The following TNRC6A variants were observed in gnomAD, a reference collection of about 807,000 sequenced individuals.
TNRC6A encodes trinucleotide repeat-containing gene 6A protein.
TNRC6A carries 44 observed loss-of-function variants against 221.2 expected under a neutral mutation model. The observed-to-expected ratio is 0.20, with a 90% CI of 0.16 to 0.26. The LOEUF (loss-of-function observed/expected upper bound fraction) is 0.26. TNRC6A is among the 10% of genes least tolerant of loss of function. TNRC6A has a pLI of 1.00. For synonymous variants in TNRC6A, 847 were observed against 838.5 expected (o/e 1.01, Z -0.18); for missense variants, 2,199 against 2,404.4 (o/e 0.91, Z 1.79).
In TNRC6A at chr16:24,676,290, T is replaced by G. The variant is rs545074875; in HGVS notation, n.402+35281T>G. ...TTCTCAATTTCTTTCATTTTTTATT[T>G]TATTGTATGTATTTATTTATTTAAG... On this transcript the variant is annotated intron_variant and non_coding_transcript_variant, in intron 2 of 2. Coordinates refer to the TNRC6A transcript ENST00000566108. Among the ~76,000 whole-genome samples the G allele has an allele frequency of 2.0e-5, 3 of 152,154 alleles. No homozygotes were observed. The South Asian group carries it at 6.2e-4, about 32-fold the overall frequency.
chr16:24,690,810 C>CTT (rs11440232), intron 2 of TNRC6A, among the ~76,000 whole-genome samples: 81 of 142,656 alleles, frequency 5.7e-4, no homozygotes, highest in African/African-American at 1.8e-3. Context: ...TCTTTTCTTT[C>CTT]TTTTTTTTTT....
chr16:24,736,087 C>T (rs182163351), intron 2 of TNRC6A, among the ~76,000 whole-genome samples: 18 of 152,260 alleles, frequency 1.2e-4, no homozygotes, highest in Admixed American at 3.3e-4. Context: ...ATCGCTTGAA[C>T]CTGGGAGGCG....
intron 3 of TNRC6A, among the ~76,000 whole-genome samples, chr16:24,754,247 G>A (rs1444894867): frequency 1.3e-5 from 2 of 151,910 alleles, no homozygotes; most frequent in East Asian, 1.9e-4. Flanking sequence ...AGACACCGAC[G>A]AGCCTTACAA....
Position 24,791,101 on chromosome 16 carries a change from G to T in TNRC6A, c.2459G>T (p.Gly820Val), listed in dbSNP as rs544398801. 5 of 1,613,368 alleles carry T rather than the reference G, an allele frequency of 3.1e-6. No individual in the cohort carries two copies. Among genetic ancestry groups the T allele is most frequent in the African/African-American group, 1.3e-5 (1 of 74,912 alleles). The part of the protein sequence containing the change: ...ATGMVKSNQW[G>V]NCKEEKAAWN... ...GGAATGGTCAAGAGCAATCAGTGGGGGAATTGCAAAGAGGAGAAGGCTGCA... is the reference window on the plus strand; with the variant it reads ...GGAATGGTCAAGAGCAATCAGTGGGTGAATTGCAAAGAGGAGAAGGCTGCA... The change falls in exon 6 of 25, where the codon GGG (glycine) becomes GTG (valine). Residue 820 changes from glycine (G) to valine (V), a missense_variant. This residue lies in a region of TNRC6A where 1,405 missense variants were observed against 1,400.2 expected (regional missense o/e 1.00). Coordinates refer to ENST00000395799, the MANE Select transcript of TNRC6A (RefSeq NM_014494.4).
chr16:24,708,902 G>A (rs1392521560), intron 2 of TNRC6A, among the ~76,000 whole-genome samples: 1 of 152,112 alleles, frequency 6.6e-6, no homozygotes, highest in Non-Finnish European at 1.5e-5. Context: ...TGATTGGTCA[G>A]TGGGCATTTA....
intron 2 of TNRC6A, among the ~76,000 whole-genome samples, chr16:24,676,428 C>G (rs1173352267): frequency 6.6e-6 from 1 of 152,090 alleles, no homozygotes; most frequent in African/African-American, 2.4e-5. Context: ...TCTCAAGTAG[C>G]TGGGATTACA....
intron 2 of TNRC6A, among the ~76,000 whole-genome samples, chr16:24,651,933 T>TAA (rs1328236239): frequency 1.1e-4 from 14 of 129,904 alleles, no homozygotes; most frequent in African/African-American, 3.0e-4. Flanking sequence ...ACCCCCTCTC[T>TAA]AAAAAAAAAA....
upstream of TNRC6A, among the ~76,000 whole-genome samples, chr16:24,727,456 T>C (rs2056511846): frequency 6.6e-6 from 1 of 152,190 alleles, no homozygotes; most frequent in Non-Finnish European, 1.5e-5. Context: ...CATCGTAGAA[T>C]ATTTAGTAGA....
In TNRC6A at chr16:24,790,868, G is replaced by C; in HGVS notation, c.2226G>C (p.Gly742=). The part of the protein sequence containing the change: ...TAWDTETSPR[G]ERKTDNGTEA... ...GGGATACAGAAACATCACCTAGAGG[G>C]GAACGAAAGACTGACAATGGGACAG... The change falls in exon 6 of 25, where the codon GGG becomes GGC. Residue 742 remains glycine (G), a synonymous_variant. Coordinates refer to ENST00000395799, the MANE Select transcript of TNRC6A (RefSeq NM_014494.4). 6.2e-7 allele frequency: 1 copy of C among 1,614,112 alleles called. No individual in the cohort carries two copies. The highest frequency in any genetic ancestry group is 8.5e-7 in the Non-Finnish European group (1 of 1,180,032).
intron 2 of TNRC6A, among the ~76,000 whole-genome samples, chr16:24,703,898 A>G (rs2142238674): frequency 6.6e-6 from 1 of 152,018 alleles, no homozygotes; most frequent in East Asian, 1.9e-4. Flanking sequence ...AGCCTGGGCA[A>G]CATGGCGAAA....
intron 2 of TNRC6A, among the ~76,000 whole-genome samples, chr16:24,716,071 C>T (rs1413993286): frequency 6.6e-6 from 1 of 152,116 alleles, no homozygotes; most frequent in Non-Finnish European, 1.5e-5. Context: ...TTGGTCTCTA[C>T]AGACACCGAG....
At chr16:24,624,492 G>A (rs1900855862) in intron 1 of TNRC6A, among the ~76,000 whole-genome samples, 1 of 151,900 alleles carries the variant, frequency 6.6e-6, no homozygotes, top group African/African-American at 2.4e-5. Context: ...TTGTTTGTTT[G>A]TTTTGAGACA....
chr16:24,747,207 AT>A (rs1299703214), intron 2 of TNRC6A, among the ~76,000 whole-genome samples: 128 of 152,320 alleles, frequency 8.4e-4, no homozygotes, highest in African/African-American at 2.9e-3. Flanking sequence ...TAGGTGAATG[AT>A]TTGACAAATG....
At chr16:24,771,669 G>A (rs1390318965) in intron 4 of TNRC6A, among the ~76,000 whole-genome samples, 3 of 151,792 alleles carry the variant, frequency 2.0e-5, no homozygotes, top group South Asian at 4.1e-4. Flanking sequence ...TGCCTGACTT[G>A]AACTTTTTGG....
rs550360387 is a variant in TNRC6A, at chr16:24,776,633, C to T, written c.164-300C>T. The T allele has an allele frequency of 7.1e-6, 7 of 985,320 alleles. No homozygotes were observed. The South Asian group carries it at 1.4e-4, about 20-fold the overall frequency. 61.0% of individuals were successfully genotyped at this position (985,320 alleles called of 1,614,324 possible). A position where few individuals can be genotyped will look rare whatever the true frequency, so the allele number is the denominator to read the frequency against. On this transcript the variant is annotated intron_variant, in intron 4 of 24. Transcript: ENST00000395799. ...CGAGTTCCCTGGTTTTGTAATGATC[C>T]GATGATGATGTCTTTGACCAGAGAG...
At chr16:24,642,458 T>C (rs544973564) in intron 2 of TNRC6A, among the ~76,000 whole-genome samples, 14 of 151,906 alleles carry the variant, frequency 9.2e-5, no homozygotes, top group Non-Finnish European at 1.9e-4. Context: ...AGGCATCAAA[T>C]AGGGACAAAG....
chr16:24,648,479 C>T (rs1328821538), intron 2 of TNRC6A, among the ~76,000 whole-genome samples: 4 of 151,888 alleles, frequency 2.6e-5, no homozygotes, highest in Admixed American at 6.6e-5. Context: ...ACCGTGTTAG[C>T]CAGGATGGTC....
chr16:24,738,392 C>A (rs2056817319), intron 2 of TNRC6A, among the ~76,000 whole-genome samples: 1 of 152,198 alleles, frequency 6.6e-6, no homozygotes, highest in East Asian at 1.9e-4. Context: ...GCACCACTGT[C>A]TAATTCTAGA....
At chr16:24,645,966 C>T (rs976155924) in intron 2 of TNRC6A, among the ~76,000 whole-genome samples, 4 of 151,186 alleles carry the variant, frequency 2.6e-5, no homozygotes, top group African/African-American at 9.7e-5. Context: ...TTGCCGTGAG[C>T]CAAGATAATG....
Sources: gnomAD v4.1 joint callset for allele counts (sites outside exome capture counted in the v4.1 genomes callset) on GRCh38, gnomAD v4.1.1 for gene constraint, gnomAD v4.1.1 regional missense constraint, MANE v1.5 for transcripts, NCBI Gene and HGNC (gene_info 2026-07-23, HGNC 2026-07-21) for gene names.